Variants in EXOC4 observed in about 807,000 individuals in gnomAD.
The protein encoded by EXOC4 is exocyst complex component 4, also known as SEC8-like 1.
EXOC4 carries 71 observed loss-of-function variants against 107.2 expected under a neutral mutation model. The ratio of observed to expected loss-of-function variants is 0.66; its 90% CI spans 0.55 to 0.81. EXOC4 has a LOEUF of 0.81. EXOC4 is among the 30% of genes least tolerant of loss of function. The pLI is 0.00. For synonymous variants in EXOC4, 456 were observed against 441.2 expected (o/e 1.03, Z -0.42); for missense variants, 1,108 against 1,189.6 (o/e 0.93, Z 1.01).
intron 14 of EXOC4, among the ~76,000 whole-genome samples, chr7:133,951,388 C>T (rs1302811822): frequency 6.6e-6 from 1 of 152,220 alleles, no homozygotes; most frequent in Non-Finnish European, 1.5e-5. Flanking sequence ...ATACACAACA[C>T]CTGGTACAAT....
At chr7:133,888,453 T>C (rs1302627319) in intron 11 of EXOC4, among the ~76,000 whole-genome samples, 1 of 152,218 alleles carries the variant, frequency 6.6e-6, no homozygotes, top group Non-Finnish European at 1.5e-5. Flanking sequence ...CTGTGATTAA[T>C]ATTTACCCCA....
At chr7:133,953,142 G>A (rs1396571790) in intron 14 of EXOC4, among the ~76,000 whole-genome samples, 1 of 152,150 alleles carries the variant, frequency 6.6e-6, no homozygotes, top group Non-Finnish European at 1.5e-5. Flanking sequence ...TCTCAGATAT[G>A]ATAATAATAT....
intron 17 of EXOC4, among the ~76,000 whole-genome samples, chr7:134,017,235 A>G (rs577496026): frequency 6.6e-6 from 1 of 151,028 alleles, no homozygotes; most frequent in African/African-American, 2.4e-5. Flanking sequence ...TAGATTTGGG[A>G]TTAATTTTGT....
At chr7:133,594,288 G>T (rs566393770) in intron 9 of EXOC4, among the ~76,000 whole-genome samples, 2 of 152,074 alleles carry the variant, frequency 1.3e-5, no homozygotes, top group South Asian at 2.1e-4. Context: ...GAGAGATAGA[G>T]TAAAAAAAGA....
At chr7:133,262,497 C>T (rs1795177485) in intron 1 of EXOC4, among the ~76,000 whole-genome samples, 1 of 152,014 alleles carries the variant, frequency 6.6e-6, no homozygotes, top group South Asian at 2.1e-4. Flanking sequence ...TTTCAAGATT[C>T]TTAGGAGACC....
At chr7:133,904,213 A>C (rs978189476) in intron 12 of EXOC4, among the ~76,000 whole-genome samples, 3 of 152,172 alleles carry the variant, frequency 2.0e-5, no homozygotes, top group African/African-American at 7.2e-5. Context: ...GAAGAAAAGG[A>C]CTTGGGAAGA....
intron 9 of EXOC4, among the ~76,000 whole-genome samples, chr7:133,588,354 A>C (rs1042656610): frequency 6.6e-6 from 1 of 152,212 alleles, no homozygotes; most frequent in Non-Finnish European, 1.5e-5. Context: ...CTTTAAAAAT[A>C]TTAAATGATA....
chr7:133,518,673 G>A (rs1389479311), intron 9 of EXOC4, among the ~76,000 whole-genome samples: 5 of 152,082 alleles, frequency 3.3e-5, no homozygotes, highest in South Asian at 2.1e-4. Flanking sequence ...TAAAAGGGTG[G>A]ACATTCTAAC....
chr7:133,467,249 C>G (rs935884338), intron 7 of EXOC4, among the ~76,000 whole-genome samples: 8 of 142,840 alleles, frequency 5.6e-5, no homozygotes, highest in African/African-American at 1.8e-4. Flanking sequence ...TGCAGAATGA[C>G]TGATTAAATT....
chr7:133,431,630 G>A (rs923122392), intron 7 of EXOC4, among the ~76,000 whole-genome samples: 3 of 152,150 alleles, frequency 2.0e-5, no homozygotes, highest in African/African-American at 7.2e-5. Context: ...AGTAATATAT[G>A]TGTAAATTAA....
chr7:133,495,707 CAATT>C (rs1434981873), intron 9 of EXOC4, among the ~76,000 whole-genome samples: 5 of 152,158 alleles, frequency 3.3e-5, no homozygotes, highest in Non-Finnish European at 5.9e-5. Context: ...GACTATAGGA[CAATT>C]CATTCATTCA....
intron 11 of EXOC4, among the ~76,000 whole-genome samples, chr7:133,830,710 A>C (rs76679669): frequency 0.038 from 5,806 of 152,256 alleles, 377 homozygotes; most frequent in African/African-American, 0.13. Flanking sequence ...CTATTATATT[A>C]ATATCTTACA....
intron 10 of EXOC4, among the ~76,000 whole-genome samples, chr7:133,671,347 T>C (rs1248411062): frequency 6.6e-6 from 1 of 152,058 alleles, no homozygotes; most frequent in Admixed American, 6.5e-5. Context: ...GTGGATCACT[T>C]GAGGTCAGGA....
At position 133,982,689 on chromosome 7, in the gene EXOC4, A is replaced by G. The variant is rs369394081; in HGVS notation, c.2207-14803A>G. ...TAAGCCTTTATATAGTTTCTCATTT[A>G]ATCATCAGAATCCTATGGGTCAGAT... On this transcript the variant is annotated intron_variant, in intron 14 of 17. Transcript: ENST00000253861. Among the ~76,000 whole-genome samples the G allele has an allele frequency of 9.2e-5, 14 of 152,224 alleles. No homozygotes were observed. In the East Asian group the frequency reaches 1.2e-3, roughly 13 times the overall value.
At chr7:133,849,925 C>T (rs74486894) in intron 11 of EXOC4, among the ~76,000 whole-genome samples, 3,743 of 152,292 alleles carry the variant, frequency 0.025, 160 homozygotes, top group African/African-American at 0.085. Flanking sequence ...TATAAACATT[C>T]ATCACTAAGC....
chr7:133,563,329 G>A (rs922710907), intron 9 of EXOC4, among the ~76,000 whole-genome samples: 2 of 152,134 alleles, frequency 1.3e-5, no homozygotes, highest in African/African-American at 4.8e-5. Context: ...TCAAAATTGG[G>A]CAAATGAGCT....
At chr7:133,736,505 A>G (rs959008268) in intron 10 of EXOC4, among the ~76,000 whole-genome samples, 4 of 152,212 alleles carry the variant, frequency 2.6e-5, no homozygotes, top group African/African-American at 9.6e-5. Flanking sequence ...CCATTGCTCT[A>G]ACTCATCAGT....
intron 9 of EXOC4, among the ~76,000 whole-genome samples, chr7:133,580,109 C>A (rs1801220284): frequency 6.6e-6 from 1 of 152,220 alleles, no homozygotes; most frequent in African/African-American, 2.4e-5. Context: ...CAAAGTTTAT[C>A]CATGTGACAC....
At chr7:133,628,179 T>C (rs1332817491) in intron 9 of EXOC4, among the ~76,000 whole-genome samples, 1 of 152,184 alleles carries the variant, frequency 6.6e-6, no homozygotes, top group Admixed American at 6.5e-5. Context: ...TTTGAAACTA[T>C]TGAGAAATAA....
Sources: gnomAD v4.1 joint callset for allele counts (sites outside exome capture counted in the v4.1 genomes callset) on GRCh38, gnomAD v4.1.1 for gene constraint, MANE v1.5 for transcripts, NCBI Gene and HGNC (gene_info 2026-07-23, HGNC 2026-07-21) for gene names.